The following NEBL variants were observed in gnomAD, a reference collection of about 807,000 sequenced individuals.
The protein encoded by NEBL is LIM and SH3 protein 2.
A neutral mutation model predicts 140.2 loss-of-function variants in NEBL; 122 were observed. The ratio of observed to expected loss-of-function variants is 0.87; its 90% confidence interval spans 0.75 to 1.01. The LOEUF is 1.01. Ranked by LOEUF, NEBL falls within the 50% of genes least tolerant of loss-of-function variation. The pLI is 0.00. For synonymous variants in NEBL, 436 were observed against 398.9 expected, an observed-to-expected ratio of 1.09 and a Z score of -1.11; for missense variants, 1,365 against 1,231.3, an observed-to-expected ratio of 1.11 and a Z score of -1.62.
intron 2 of NEBL, among the ~76,000 whole-genome samples, chr10:21,137,874 C>T (rs946448970): frequency 6.7e-6 from 1 of 148,738 alleles, no homozygotes; most frequent in Non-Finnish European, 1.5e-5. Flanking sequence ...GCCTGGGAGA[C>T]TGGGATCACA....
intron 2 of NEBL, among the ~76,000 whole-genome samples, chr10:21,036,998 C>T (rs989493908): frequency 6.6e-6 from 1 of 152,116 alleles, no homozygotes; most frequent in African/African-American, 2.4e-5. Context: ...TAGCTGTTCC[C>T]ACCTGTGCAC....
At chr10:21,104,422 A>T (rs1469948055) in intron 2 of NEBL, among the ~76,000 whole-genome samples, 1 of 152,152 alleles carries the variant, frequency 6.6e-6, no homozygotes, top group Non-Finnish European at 1.5e-5. Context: ...AACATTTTGT[A>T]GTTTCCAGTG....
chr10:21,082,456 C>G (rs1836410115), intron 2 of NEBL, among the ~76,000 whole-genome samples: 1 of 147,204 alleles, frequency 6.8e-6, no homozygotes, highest in Non-Finnish European at 1.5e-5. Context: ...AACTTACTTT[C>G]AAGTGATTTC....
At chr10:20,836,805 C>T (rs946246888) in intron 13 of NEBL, among the ~76,000 whole-genome samples, 7 of 152,084 alleles carry the variant, frequency 4.6e-5, no homozygotes, top group African/African-American at 1.7e-4. Flanking sequence ...TTTACTCACC[C>T]TTCAAACTCT....
chr10:21,119,173 T>C (rs1002172871), intron 2 of NEBL, among the ~76,000 whole-genome samples: 1 of 152,162 alleles, frequency 6.6e-6, no homozygotes, highest in South Asian at 2.1e-4. Context: ...TCGACAATAA[T>C]AACATGTCAT....
chr10:21,029,517 A>G, intron 2 of NEBL: 1 of 1,610,154 alleles, frequency 6.2e-7, no homozygotes, highest in Admixed American at 1.7e-5. Context: ...TTGCTGATCA[A>G]GCACAGGATA....
At chr10:21,002,044 G>GT (rs1837928210) in intron 3 of NEBL, among the ~76,000 whole-genome samples, 1 of 152,022 alleles carries the variant, frequency 6.6e-6, no homozygotes, top group Non-Finnish European at 1.5e-5. Context: ...TTTTCTACAC[G>GT]TATTTCTTTT....
At chr10:20,940,030 A>T (rs1051179817) in intron 4 of NEBL, among the ~76,000 whole-genome samples, 1 of 150,602 alleles carries the variant, frequency 6.6e-6, no homozygotes, top group African/African-American at 2.4e-5. Flanking sequence ...GATCAACGAG[A>T]CAGAAAGTTA....
intron 3 of NEBL, among the ~76,000 whole-genome samples, chr10:20,970,802 G>A (rs572706525): frequency 1.2e-4 from 18 of 152,258 alleles, no homozygotes; most frequent in African/African-American, 3.9e-4. Flanking sequence ...GATGGAAGGC[G>A]GAAGTCTCTC....
chr10:21,288,252 T>TTG (rs1285382005), intron 1 of NEBL, among the ~76,000 whole-genome samples: 4 of 150,366 alleles, frequency 2.7e-5, no homozygotes, highest in Admixed American at 6.6e-5. Context: ...GGCGGATCAC[T>TTG]AGGTCAGGAG....
At chr10:20,872,257 T>C (rs1316798442) in intron 5 of NEBL, among the ~76,000 whole-genome samples, 1 of 152,094 alleles carries the variant, frequency 6.6e-6, no homozygotes, top group Non-Finnish European at 1.5e-5. Flanking sequence ...AGCCGGCATA[T>C]GTGACTCAAA....
intron 2 of NEBL, among the ~76,000 whole-genome samples, chr10:21,123,483 G>A (rs1838672133): frequency 6.6e-6 from 1 of 152,216 alleles, no homozygotes; most frequent in African/African-American, 2.4e-5. Context: ...AGCTCACTAA[G>A]TCTTTTATGT....
chr10:21,169,385 G>A (rs908548140), intron 2 of NEBL, among the ~76,000 whole-genome samples: 10 of 152,018 alleles, frequency 6.6e-5, no homozygotes, highest in Admixed American at 3.3e-4. Flanking sequence ...GTATACATAA[G>A]AAAATCAATT....
At chr10:20,916,488 C>T (rs1848562246) in intron 4 of NEBL, among the ~76,000 whole-genome samples, 1 of 152,170 alleles carries the variant, frequency 6.6e-6, no homozygotes, top group African/African-American at 2.4e-5. Flanking sequence ...CTCACCACAA[C>T]CTTCACCTCC....
rs1312899198 is a variant in NEBL at position 20,812,914 on chromosome 10, T to C, written c.2373A>G (p.Lys791=). 6.2e-7 allele frequency: 1 copy of C among 1,613,890 alleles called. No homozygotes were observed. The highest frequency in any genetic ancestry group is 1.3e-5 in the African/African-American group (1 of 75,006). Residue 791 remains lysine (K), a synonymous_variant, in exon 24 of 28, where the codon AAA becomes AAG. Coordinates refer to ENST00000377122, the MANE Select transcript of NEBL (RefSeq NM_006393.3). ...SMVKYHEDFE[K]TKGRGFTPVV... Reference sequence around the variant, plus strand: ...CGGGAGTAAAGCCTCTCCCCTTTGTTTTTTCAAAATCTTCATGGTATTTTA... The same window carrying C: ...CGGGAGTAAAGCCTCTCCCCTTTGTCTTTTCAAAATCTTCATGGTATTTTA...
chr10:21,061,321 A>ACATATTATGTGATATGTAATATG, intron 2 of NEBL, among the ~76,000 whole-genome samples: 1 of 127,544 alleles, frequency 7.8e-6, no homozygotes, highest in Non-Finnish European at 1.6e-5. Context: ...TATGTAATAT[A>ACATATTATGTGATATGTAATATG]TTACATATTA....
intron 2 of NEBL, among the ~76,000 whole-genome samples, chr10:21,161,959 A>G (rs1840576340): frequency 6.6e-6 from 1 of 152,240 alleles, no homozygotes; most frequent in Admixed American, 6.5e-5. Context: ...AGTGCACCAG[A>G]AAAACCAACT....
At chr10:21,109,317 G>T (rs995833353) in intron 2 of NEBL, among the ~76,000 whole-genome samples, 3 of 152,170 alleles carry the variant, frequency 2.0e-5, no homozygotes, top group African/African-American at 7.2e-5. Flanking sequence ...ATTTGCGTAT[G>T]TTGAACCAGC....
At chr10:21,142,729 G>A (rs753877691) in intron 2 of NEBL, among the ~76,000 whole-genome samples, 3 of 152,170 alleles carry the variant, frequency 2.0e-5, no homozygotes, top group Non-Finnish European at 4.4e-5. Context: ...TCTGAGATCA[G>A]CGGTGGTATT....
Sources: allele counts gnomAD v4.1 joint callset (sites outside exome capture counted in the v4.1 genomes callset), GRCh38; gene constraint gnomAD v4.1.1; transcripts MANE v1.5; gene names NCBI Gene and HGNC (gene_info 2026-07-23, HGNC 2026-07-21).